The following AAMDC variants were observed in gnomAD, a reference collection of about 807,000 sequenced individuals.
AAMDC encodes mth938 domain-containing protein.
Under a neutral mutation model 15.5 loss-of-function variants are expected in AAMDC, and 16 were observed. The ratio of observed to expected loss-of-function variants is 1.03; its 90% CI spans 0.70 to 1.57. AAMDC has a LOEUF of 1.57. Among genes scored for constraint, AAMDC ranks in the 40% most tolerant of loss-of-function variants. AAMDC has a pLI of 0.00. For synonymous variants in AAMDC, 51 were observed against 51.6 expected (o/e 0.99, Z 0.05); for missense variants, 141 against 144.9 (o/e 0.97, Z 0.14).
chr11:77,880,948 A>AAAC (rs1565219310), intron 5 of AAMDC, among the ~76,000 whole-genome samples: 3 of 151,772 alleles, frequency 2.0e-5, no homozygotes, highest in African/African-American at 7.3e-5. Flanking sequence ...AACAAACAAA[A>AAAC]AAACAAAAAA....
intron 5 of AAMDC, among the ~76,000 whole-genome samples, chr11:77,882,032 C>T (rs991147310): frequency 3.3e-5 from 5 of 152,076 alleles, no homozygotes; most frequent in African/African-American, 1.2e-4. Context: ...CTGCCTCAGC[C>T]TCCTGAGTAG....
chr11:77,838,240 T>A (rs1267272060), intron 1 of AAMDC, among the ~76,000 whole-genome samples: 5 of 137,218 alleles, frequency 3.6e-5, no homozygotes, highest in African/African-American at 7.5e-5. Context: ...GTTTTATGTG[T>A]CAACGTGGTA....
intron 2 of AAMDC, among the ~76,000 whole-genome samples, chr11:77,860,689 G>A (rs905366534): frequency 1.3e-5 from 2 of 152,224 alleles, no homozygotes; most frequent in African/African-American, 4.8e-5. Flanking sequence ...GGGTAAAACA[G>A]TCCAGGTGAA....
intron 1 of AAMDC, among the ~76,000 whole-genome samples, chr11:77,831,718 C>T (rs1949434282): frequency 6.9e-6 from 1 of 144,440 alleles, no homozygotes; most frequent in African/African-American, 2.5e-5. Context: ...TTTTCTGAGA[C>T]AGGGTCTCAC....
chr11:77,858,814 A>G (rs2136235911), intron 2 of AAMDC, among the ~76,000 whole-genome samples: 1 of 152,334 alleles, frequency 6.6e-6, no homozygotes, highest in Non-Finnish European at 1.5e-5. Context: ...GGTAGGTCTT[A>G]GTCATGGACT....
chr11:77,851,730 C>T (rs1363835873), intron 2 of AAMDC, among the ~76,000 whole-genome samples: 2 of 152,090 alleles, frequency 1.3e-5, no homozygotes, highest in African/African-American at 2.4e-5. Context: ...TCCCACTTCA[C>T]GTTCTGCCAT....
rs60293361 is a variant in AAMDC, at chr11:77,868,994, T to C, written c.133-728T>C. On this transcript the variant is annotated intron_variant, in intron 2 of 3. Transcript: ENST00000393427. The stretch of plus-strand genomic sequence containing the variant: ...ACAATGCCAACAGCACGTTGGGTAA[T>C]ACCGTAGACTCTTCCAGTTTTGCCA... 2,575 of 311,006 alleles carry C rather than the reference T, an allele frequency of 8.3e-3. 120 individuals are homozygous for C. In the East Asian group the frequency reaches 0.12, roughly 15 times the overall value. The allele number at this position is 311,006 out of a possible 1,614,324, so 19.3% of individuals were successfully genotyped here. A position where few individuals can be genotyped will look rare whatever the true frequency, so the allele number is the denominator to read the frequency against.
chr11:77,841,916 G>A (rs569145594), intron 1 of AAMDC, among the ~76,000 whole-genome samples: 3 of 152,164 alleles, frequency 2.0e-5, no homozygotes, highest in East Asian at 1.9e-4. Flanking sequence ...GCCTCCTTTG[G>A]CCATGGCGGC....
intron 1 of AAMDC, among the ~76,000 whole-genome samples, chr11:77,827,254 C>T (rs1172047401): frequency 1.3e-5 from 2 of 152,038 alleles, no homozygotes; most frequent in Non-Finnish European, 2.9e-5. Flanking sequence ...CAAATTCATA[C>T]CAAAAACTAG....
chr11:77,872,891 C>T (rs1406780344), downstream of AAMDC, among the ~76,000 whole-genome samples: 10 of 152,160 alleles, frequency 6.6e-5, no homozygotes, highest in African/African-American at 1.7e-4. Flanking sequence ...GTAGAGGTTG[C>T]GGTGAGCCGA....
intron 5 of AAMDC, chr11:77,900,551 C>CTTT (rs111879239): frequency 3.6e-5 from 20 of 560,460 alleles, no homozygotes; most frequent in South Asian, 1.0e-4. Flanking sequence ...CTCTATGGCA[C>CTTT]TTTTTTTTTT....
chr11:77,900,744 A>G (rs1591032681), downstream of AAMDC: 18 of 626,802 alleles, frequency 2.9e-5, 1 homozygote, highest in East Asian at 4.7e-4. Flanking sequence ...GAGAAGTTAC[A>G]ATAATAAAAA....
intron 5 of AAMDC, among the ~76,000 whole-genome samples, chr11:77,885,805 G>A (rs529261492): frequency 8.2e-4 from 125 of 151,560 alleles, no homozygotes; most frequent in African/African-American, 2.8e-3. Flanking sequence ...GGGTGACAGA[G>A]TGAGATTCTG....
intron 5 of AAMDC, among the ~76,000 whole-genome samples, chr11:77,898,989 C>T (rs1335474311): frequency 1.3e-5 from 2 of 152,108 alleles, no homozygotes; most frequent in Non-Finnish European, 2.9e-5. Context: ...CACTGCACTC[C>T]AGCCTGGGTG....
intron 1 of AAMDC, among the ~76,000 whole-genome samples, chr11:77,822,437 A>AAAAAAAAAAC (rs1948958921): frequency 6.8e-6 from 1 of 147,106 alleles, no homozygotes. Flanking sequence ...AAAAAAAAAG[A>AAAAAAAAAAC]ATTTGAAGCA....
chr11:77,899,399 C>T (rs1258289188), intron 5 of AAMDC, among the ~76,000 whole-genome samples: 14 of 152,032 alleles, frequency 9.2e-5, no homozygotes, highest in Admixed American at 2.0e-4. Flanking sequence ...AGGCTGGGCT[C>T]GGTGGCTCAC....
intron 1 of AAMDC, among the ~76,000 whole-genome samples, chr11:77,827,904 G>A (rs1790257): frequency 0.75 from 113,329 of 151,986 alleles, 42,962 homozygotes; most frequent in African/African-American, 0.89. Flanking sequence ...GAACAAATAG[G>A]CAAGCACATT....
intron 1 of AAMDC, among the ~76,000 whole-genome samples, chr11:77,840,652 T>C (rs1949890811): frequency 6.6e-6 from 1 of 152,176 alleles, no homozygotes; most frequent in Non-Finnish European, 1.5e-5. Context: ...CAAGTGAAAT[T>C]CCCACCTTGG....
intron 2 of AAMDC, chr11:77,855,214 C>T (rs1950562648): frequency 6.6e-6 from 1 of 152,228 alleles, no homozygotes; most frequent in Non-Finnish European, 1.5e-5. Flanking sequence ...CTCTGAAATT[C>T]CTTCCAGGAA....
Sources: gnomAD v4.1 joint callset for allele counts (sites outside exome capture counted in the v4.1 genomes callset) on GRCh38, gnomAD v4.1.1 for gene constraint, MANE v1.5 for transcripts, NCBI Gene and HGNC (gene_info 2026-07-23, HGNC 2026-07-21) for gene names.